Variants in CAP1 observed in about 807,000 individuals in gnomAD.
The protein encoded by CAP1 is cyclase associated actin cytoskeleton regulatory protein 1, also known as adenylyl cyclase-associated protein 1.
In CAP1, 11 loss-of-function variants were observed where a neutral mutation model predicts 58.2. That is an observed-to-expected ratio of 0.19 (90% CI 0.12 to 0.31). The LOEUF is 0.31. CAP1 is among the 10% of genes least tolerant of loss of function. The pLI is 1.00. For missense variants in CAP1, 423 were observed against 587.5 expected, an observed-to-expected ratio of 0.72 and a Z score of 2.89; for synonymous variants, 183 against 213.8, an observed-to-expected ratio of 0.86 and a Z score of 1.26.
chr1:40,042,511 G>A (rs770775124), intron 1 of CAP1, among the ~76,000 whole-genome samples: 3 of 152,198 alleles, frequency 2.0e-5, no homozygotes, highest in Admixed American at 2.0e-4. Flanking sequence ...AGACCATGAC[G>A]AGTTCAGTGT....
chr1:40,061,461 C>T (rs1377124011), intron 3 of CAP1, among the ~76,000 whole-genome samples: 2 of 152,162 alleles, frequency 1.3e-5, no homozygotes, highest in Non-Finnish European at 2.9e-5. Context: ...TATCACAATG[C>T]ATGTGTAAGA....
chr1:40,063,359 T>C (rs1488080001), intron 4 of CAP1, among the ~76,000 whole-genome samples: 1 of 152,030 alleles, frequency 6.6e-6, no homozygotes, highest in Non-Finnish European at 1.5e-5. Context: ...TGTATTTTTA[T>C]AGAGATGGGG....
chr1:40,051,913 A>G (rs1313341956), intron 1 of CAP1, among the ~76,000 whole-genome samples: 1 of 152,112 alleles, frequency 6.6e-6, no homozygotes. Context: ...AAGCAGAAAA[A>G]CTTTAACAAA....
rs1452958518 is a variant in CAP1, at chr1:40,072,371, A to G, written c.*838A>G. ...CCTCCTTTTCCCTGTCATGCTCATCAGCTTATGGCTTCTGTCTAAGCACCT... is the reference window on the plus strand; with the variant it reads ...CCTCCTTTTCCCTGTCATGCTCATCGGCTTATGGCTTCTGTCTAAGCACCT... On this transcript the variant is annotated 3_prime_UTR_variant, in exon 13 of 13. Transcript: ENST00000372805. The G allele has an allele frequency of 6.7e-6, 2 of 300,226 alleles. No individual in the cohort carries two copies. Among genetic ancestry groups the G allele is most frequent in the Non-Finnish European group, 1.2e-5 (2 of 164,666 alleles). 18.6% of individuals were successfully genotyped at this position (300,226 alleles called of 1,614,324 possible). A position where few individuals can be genotyped will look rare whatever the true frequency, so the allele number is the denominator to read the frequency against.
At chr1:40,065,905 A>T (rs113451187) in intron 6 of CAP1, among the ~76,000 whole-genome samples, 1 of 152,206 alleles carries the variant, frequency 6.6e-6, no homozygotes, top group Admixed American at 6.5e-5. Context: ...ACTTTGAAAA[A>T]AGTTTCAATA....
intron 1 of CAP1, among the ~76,000 whole-genome samples, chr1:40,042,274 G>T (rs1217592504): frequency 6.6e-6 from 1 of 152,210 alleles, no homozygotes; most frequent in East Asian, 1.9e-4. Context: ...TTTACAGTGG[G>T]AGAGGAAATA....
chr1:40,045,982 C>T (rs1159542520), intron 1 of CAP1, among the ~76,000 whole-genome samples: 2 of 152,204 alleles, frequency 1.3e-5, no homozygotes, highest in East Asian at 3.8e-4. Context: ...GCCACCACAC[C>T]TGGCAGATGT....
At chr1:40,059,898 TCA>T (rs987556190) in intron 2 of CAP1, among the ~76,000 whole-genome samples, 167 bp from the exon 3 acceptor site, 1 of 152,230 alleles carries the variant, frequency 6.6e-6, no homozygotes, top group African/African-American at 2.4e-5. Flanking sequence ...TTAGTCAGGG[TCA>T]CACAACCAGT....
intron 2 of CAP1, 123 bp from the exon 3 acceptor site, chr1:40,059,944 C>T (rs920977069): frequency 3.0e-6 from 2 of 660,468 alleles, no homozygotes; most frequent in Non-Finnish European, 5.2e-6. Context: ...CCCAGGTTTC[C>T]TTACTCCTGT....
At chr1:40,071,049 A>G in intron 12 of CAP1, 70 bp downstream of exon 12, 1 of 1,435,784 alleles carries the variant, frequency 7.0e-7, no homozygotes, top group Non-Finnish European at 9.5e-7. Flanking sequence ...CATTGAAGAA[A>G]GCTATTTTAT....
chr1:40,045,802 C>T (rs1646068266), intron 1 of CAP1, among the ~76,000 whole-genome samples: 1 of 152,210 alleles, frequency 6.6e-6, no homozygotes, highest in Non-Finnish European at 1.5e-5. Context: ...CCACCCACCT[C>T]AGCCTCTCAA....
chr1:40,067,683 C>T lies in CAP1; in HGVS notation c.774C>T (p.Phe258=), dbSNP rs761109714. The change falls in exon 8 of 13, where the codon TTC becomes TTT. Residue 258 remains phenylalanine, a synonymous_variant. Transcript: ENST00000372805. The part of the protein sequence containing the change: ...SYESASRSSL[F]AQINQGESIT... ...AGTCTGCTTCCCGCTCATCACTGTT[C>T]GCGCAGATTAATCAGGGGGAGAGCA... 24 of 1,595,794 alleles carry T rather than the reference C, an allele frequency of 1.5e-5. No individual in the cohort carries two copies. Among genetic ancestry groups the T allele is most frequent in the Middle Eastern group, 1.7e-4 (1 of 6,002 alleles).
chr1:40,056,993 T>C (rs1646645987), intron 1 of CAP1, among the ~76,000 whole-genome samples: 1 of 152,224 alleles, frequency 6.6e-6, no homozygotes, highest in Admixed American at 6.5e-5. Flanking sequence ...CCTTTTTCAT[T>C]CTGCTTAAGT....
Position 40,060,120 on chromosome 1 carries a change from G to A in CAP1, c.166G>A (p.Ala56Thr). 1 of 1,613,810 alleles carries A rather than the reference G, an allele frequency of 6.2e-7. No individual in the cohort carries two copies. Among genetic ancestry groups the A allele is most frequent in the South Asian group, 1.1e-5 (1 of 91,054 alleles). Reference sequence around the variant, plus strand: ...TGACTCGCTGCTTGCTGGTCCTGTGGCAGAGTACTTGAAGATCAGTAAAGA... The same window carrying A: ...TGACTCGCTGCTTGCTGGTCCTGTGACAGAGTACTTGAAGATCAGTAAAGA... ...AFDSLLAGPV[A>T]EYLKISKEIG... Residue 56 changes from alanine (A) to threonine (T), a missense_variant, in exon 3 of 13, where the codon GCA becomes ACA. Physicochemically the swap from Ala to Thr is moderately conservative, Grantham distance 58. Transcript: ENST00000372805.
chr1:40,066,898 G>C (rs538474086), intron 7 of CAP1, among the ~76,000 whole-genome samples: 37 of 152,324 alleles, frequency 2.4e-4, no homozygotes, highest in African/African-American at 8.7e-4. Context: ...GAAAAGGCTG[G>C]AAAGGAAGGT....
intron 1 of CAP1, chr1:40,057,333 C>G (rs1328336507): frequency 6.6e-6 from 1 of 152,152 alleles, no homozygotes; most frequent in East Asian, 1.9e-4. Flanking sequence ...GTGAGTCTGT[C>G]TCTTGATCAG....
At chr1:40,052,246 G>C (rs1293370992) in intron 1 of CAP1, among the ~76,000 whole-genome samples, 2 of 152,102 alleles carry the variant, frequency 1.3e-5, no homozygotes, top group African/African-American at 4.8e-5. Context: ...CACCTCCTTT[G>C]ATCCTTATAT....
At chr1:40,067,814 G>A in intron 8 of CAP1, 97 bp downstream of exon 8, 3 of 862,206 alleles carry the variant, frequency 3.5e-6, no homozygotes, top group South Asian at 1.6e-5. Context: ...CCTGGCTTGT[G>A]TGGTGGAGAC....
At chr1:40,054,098 G>A (rs1401343047) in intron 1 of CAP1, among the ~76,000 whole-genome samples, 2 of 149,408 alleles carry the variant, frequency 1.3e-5, no homozygotes, top group East Asian at 2.0e-4. Flanking sequence ...CCATGGATTC[G>A]ATAGAGAAGA....
Sources: allele counts gnomAD v4.1 joint callset (sites outside exome capture counted in the v4.1 genomes callset), GRCh38; gene constraint gnomAD v4.1.1; transcripts MANE v1.5; gene names NCBI Gene and HGNC (gene_info 2026-07-23, HGNC 2026-07-21).